Variants in PSPC1 observed in about 807,000 individuals in gnomAD.
PSPC1 encodes the protein paraspeckle protein 1.
A neutral mutation model predicts 51.6 loss-of-function variants in PSPC1; 14 were observed. That is an observed-to-expected ratio of 0.27 (90% CI 0.18 to 0.42). The LOEUF is 0.42. PSPC1 is among the 10% of genes least tolerant of loss of function. The pLI is 1.00. For missense variants in PSPC1, 406 were observed against 701.1 expected (o/e 0.58, Z 4.75); for synonymous variants, 193 against 231.9 (o/e 0.83, Z 1.53).
intron 6 of PSPC1, among the ~76,000 whole-genome samples, chr13:19,688,201 C>T (rs1024467647): frequency 6.6e-6 from 1 of 151,962 alleles, no homozygotes; most frequent in African/African-American, 2.4e-5. Flanking sequence ...TTCTCTTTGC[C>T]GAACTCCCTG....
intron 7 of PSPC1, among the ~76,000 whole-genome samples, chr13:19,676,333 C>G (rs1297529636): frequency 6.6e-6 from 1 of 152,160 alleles, no homozygotes; most frequent in Non-Finnish European, 1.5e-5. Flanking sequence ...GAGGGTGTGG[C>G]TTGAGAATGT....
At chr13:19,686,971 C>A (rs570013898) in intron 6 of PSPC1, among the ~76,000 whole-genome samples, 1 of 151,888 alleles carries the variant, frequency 6.6e-6, no homozygotes, top group East Asian at 1.9e-4. Context: ...CCAAGGTGGG[C>A]GGATCATCTG....
At chr13:19,722,275 T>C (rs548822274) in intron 6 of PSPC1, among the ~76,000 whole-genome samples, 2 of 151,322 alleles carry the variant, frequency 1.3e-5, no homozygotes, top group South Asian at 4.2e-4. Context: ...GGCAGGAGGA[T>C]TGCTTTAGCC....
At chr13:19,697,316 T>A (rs1159267373) in intron 6 of PSPC1, among the ~76,000 whole-genome samples, 1 of 152,174 alleles carries the variant, frequency 6.6e-6, no homozygotes, top group Non-Finnish European at 1.5e-5. Flanking sequence ...CATGCTCAAG[T>A]GTGAGAACCA....
intron 6 of PSPC1, among the ~76,000 whole-genome samples, chr13:19,696,519 GCA>G (rs34618199): frequency 1.0e-4 from 15 of 148,908 alleles, no homozygotes; most frequent in South Asian, 6.4e-4. Context: ...ACACACATAC[GCA>G]CACACACACA....
intron 2 of PSPC1, among the ~76,000 whole-genome samples, chr13:19,764,682 T>TAAAAAAA (rs68143550): frequency 0.05 from 3,870 of 78,016 alleles, 171 homozygotes; most frequent in African/African-American, 0.071. Flanking sequence ...GAACTTGCCT[T>TAAAAAAA]AAAAAAAAAA....
intron 6 of PSPC1, among the ~76,000 whole-genome samples, chr13:19,679,754 C>T (rs922277149): frequency 6.6e-6 from 1 of 152,078 alleles, no homozygotes. Flanking sequence ...GAAGCAACCT[C>T]CCAGGAAATG....
chr13:19,769,177 G>A (rs548191358), intron 2 of PSPC1, among the ~76,000 whole-genome samples: 3 of 150,770 alleles, frequency 2.0e-5, no homozygotes, highest in East Asian at 1.9e-4. Flanking sequence ...TAGGCTGGGC[G>A]CGGTGGCTCA....
At chr13:19,749,535 A>C (rs1372372720) in intron 4 of PSPC1, among the ~76,000 whole-genome samples, 1 of 151,930 alleles carries the variant, frequency 6.6e-6, no homozygotes, top group Non-Finnish European at 1.5e-5. Flanking sequence ...TCAAAAAAAA[A>C]AAAAAAAATC....
chr13:19,762,063 T>TA (rs1396822391), intron 2 of PSPC1, among the ~76,000 whole-genome samples: 2 of 152,314 alleles, frequency 1.3e-5, no homozygotes, highest in East Asian at 3.9e-4. Flanking sequence ...TCAAATATGT[T>TA]AGAGATTTTA....
intron 6 of PSPC1, among the ~76,000 whole-genome samples, chr13:19,723,918 T>C (rs999969137): frequency 6.6e-6 from 1 of 152,216 alleles, no homozygotes; most frequent in Admixed American, 6.5e-5. Flanking sequence ...ATTTTGATTT[T>C]CACCAACATG....
rs1200576652 is a variant in PSPC1 at position 19,711,644 on chromosome 13, A to AAAG, written c.1159-2046_1159-2045insCTT. Among the ~76,000 whole-genome samples the AAAG allele has an allele frequency of 1.4e-4, 21 of 147,598 alleles. No individual in the cohort carries two copies. In the East Asian group the frequency reaches 2.0e-3, roughly 14 times the overall value. ...CAAAGAGAGACTCCGTCTCATAAAAAAAAAAAAAAAAAAAAAAGAAACCCC... is the reference window on the plus strand; with the variant it reads ...CAAAGAGAGACTCCGTCTCATAAAAAAAGAAAAAAAAAAAAAAAAAGAAACCCC... On this transcript the variant is annotated intron_variant, in intron 6 of 8. Transcript: ENST00000338910.
chr13:19,740,543 T>C (rs1885327083), intron 5 of PSPC1, among the ~76,000 whole-genome samples: 4 of 152,220 alleles, frequency 2.6e-5, no homozygotes, highest in Admixed American at 2.6e-4. Context: ...CTTATTTTCT[T>C]ATCACAAGCA....
At chr13:19,779,085 C>T (rs1225142702) in intron 1 of PSPC1, among the ~76,000 whole-genome samples, 3 of 110,924 alleles carry the variant, frequency 2.7e-5, no homozygotes, top group African/African-American at 3.3e-5. Context: ...AGGTGAGGAG[C>T]GTCTCTGCCC....
At chr13:19,732,022 GA>G (rs899252356) in intron 5 of PSPC1, among the ~76,000 whole-genome samples, 7 of 152,084 alleles carry the variant, frequency 4.6e-5, no homozygotes, top group African/African-American at 1.7e-4. Flanking sequence ...CAAATTTCAA[GA>G]TACCTTGTTC....
intron 6 of PSPC1, among the ~76,000 whole-genome samples, chr13:19,727,810 G>A (rs1030805971): frequency 1.3e-5 from 2 of 152,156 alleles, no homozygotes; most frequent in Non-Finnish European, 2.9e-5. Context: ...ATTGTGATAA[G>A]TAGAAAATTT....
At chr13:19,766,513 C>G (rs569725563) in intron 2 of PSPC1, among the ~76,000 whole-genome samples, 1 of 151,710 alleles carries the variant, frequency 6.6e-6, no homozygotes, top group African/African-American at 2.4e-5. Flanking sequence ...GGCCACATGG[C>G]GAAAATACAA....
intron 4 of PSPC1, among the ~76,000 whole-genome samples, chr13:19,743,941 C>G (rs9634324): frequency 6.6e-6 from 1 of 151,958 alleles, no homozygotes; most frequent in Non-Finnish European, 1.5e-5. Context: ...AACCCCGTCT[C>G]TACTAAAAAC....
At chr13:19,776,554 C>A (rs1004333597) in intron 1 of PSPC1, among the ~76,000 whole-genome samples, 1 of 151,842 alleles carries the variant, frequency 6.6e-6, no homozygotes, top group African/African-American at 2.4e-5. Context: ...ACTCTGTCAC[C>A]CAGGCTGGAG....
Sources: gnomAD v4.1 joint callset for allele counts (sites outside exome capture counted in the v4.1 genomes callset) on GRCh38, gnomAD v4.1.1 for gene constraint, MANE v1.5 for transcripts, NCBI Gene and HGNC (gene_info 2026-07-23, HGNC 2026-07-21) for gene names.